The following DPEP1 variants were observed in gnomAD, a reference collection of about 807,000 sequenced individuals.
DPEP1 encodes the protein beta-lactamase.
A neutral mutation model predicts 42.3 loss-of-function variants in DPEP1; 50 were observed. The observed-to-expected ratio is 1.18, with a 90% CI of 0.94 to 1.50. DPEP1 has a LOEUF of 1.50. Ranked by LOEUF, DPEP1 falls within the 40% of genes most tolerant of loss-of-function variation. The probability of loss-of-function intolerance (pLI) is 0.00; values close to 1 mark genes in which losing one functional copy is unlikely to be tolerated. For missense variants in DPEP1, 663 were observed against 553.0 expected (o/e 1.20, Z -1.99); for synonymous variants, 297 against 234.0 (o/e 1.27, Z -2.46).
intron 2 of DPEP1, among the ~76,000 whole-genome samples, chr16:89,631,841 AG>A: frequency 6.6e-6 from 1 of 152,098 alleles, no homozygotes; most frequent in African/African-American, 2.4e-5. Context: ...TGGGCAACAG[AG>A]TGAGACTCCA....
chr16:89,614,228 C>A (rs2059359466), intron 1 of DPEP1, among the ~76,000 whole-genome samples: 1 of 152,128 alleles, frequency 6.6e-6, no homozygotes, highest in African/African-American at 2.4e-5. Context: ...CCCGCCAGGC[C>A]CTCCAGAGGC....
At chr16:89,635,784 C>G (rs1429224916) in intron 2 of DPEP1, 124 bp from the exon 3 acceptor site, 1 of 1,350,654 alleles carries the variant, frequency 7.4e-7, no homozygotes, top group Non-Finnish European at 9.8e-7. Context: ...GCGGCCTAGA[C>G]TTCAGTCCTG....
intron 1 of DPEP1, among the ~76,000 whole-genome samples, chr16:89,617,556 G>T (rs1376219077): frequency 9.1e-6 from 1 of 110,260 alleles, no homozygotes; most frequent in African/African-American, 3.3e-5. Context: ...TGCCAGAAAT[G>T]CTGGAAGGCG....
At chr16:89,614,765 A>T in intron 1 of DPEP1, among the ~76,000 whole-genome samples, 1 of 152,242 alleles carries the variant, frequency 6.6e-6, no homozygotes, top group Admixed American at 6.5e-5. Context: ...ACTGCACTCC[A>T]GCCTGAGTGA....
At chr16:89,626,016 C>A (rs917526667) in intron 1 of DPEP1, among the ~76,000 whole-genome samples, 2 of 152,184 alleles carry the variant, frequency 1.3e-5, no homozygotes, top group African/African-American at 4.8e-5. Flanking sequence ...GCAGTCCACG[C>A]GTGGCTTTCG....
intron 1 of DPEP1, among the ~76,000 whole-genome samples, chr16:89,616,721 C>T (rs776845455): frequency 1.4e-4 from 22 of 152,116 alleles, no homozygotes; most frequent in Middle Eastern, 6.8e-3. Flanking sequence ...AGTGCAAACG[C>T]ACGCTGGCAG....
chr16:89,629,307 C>G (rs1414595582), intron 1 of DPEP1, among the ~76,000 whole-genome samples: 1 of 152,056 alleles, frequency 6.6e-6, no homozygotes, highest in African/African-American at 2.4e-5. Flanking sequence ...TCGAGACCAG[C>G]CTGGGAAACA....
intron 1 of DPEP1, among the ~76,000 whole-genome samples, chr16:89,616,213 C>T (rs2059378102): frequency 6.6e-6 from 1 of 152,126 alleles, no homozygotes; most frequent in East Asian, 1.9e-4. Context: ...GGGGATAGGG[C>T]TCAGAGCCCA....
chr16:89,634,203 C>T (rs139707391), intron 2 of DPEP1, among the ~76,000 whole-genome samples: 1,637 of 149,808 alleles, frequency 0.011, 28 homozygotes, highest in African/African-American at 0.038. Flanking sequence ...ATTGTCCTGC[C>T]TCAGCCTCTT....
chr16:89,635,938 T>C lies in DPEP1; in HGVS notation c.135T>C (p.Asp45=). The part of the protein sequence containing the change: ...GHNDLPWQLL[D]MFNNRLQDER... ...ATGACCTCCCCTGGCAGCTGCTGGATATGTTCAACAACCGGCTGCAGGACG... is the reference window on the plus strand; with the variant it reads ...ATGACCTCCCCTGGCAGCTGCTGGACATGTTCAACAACCGGCTGCAGGACG... Residue 45 remains aspartate, a synonymous_variant, in exon 3 of 11, where the codon GAT becomes GAC. Transcript: ENST00000690203. 6.2e-7 allele frequency: 1 copy of C among 1,610,668 alleles called. No homozygotes were observed. Among genetic ancestry groups the C allele is most frequent in the Non-Finnish European group, 8.5e-7 (1 of 1,178,900 alleles).
chr16:89,615,173 C>T (rs918088467), intron 1 of DPEP1, among the ~76,000 whole-genome samples: 13 of 152,312 alleles, frequency 8.5e-5, no homozygotes, highest in East Asian at 1.9e-4. Context: ...AATCTCCAGT[C>T]GGAGGCCAGG....
intron 1 of DPEP1, among the ~76,000 whole-genome samples, chr16:89,615,528 C>T (rs1015527077): frequency 7.9e-5 from 12 of 152,190 alleles, no homozygotes; most frequent in Admixed American, 3.3e-4. Flanking sequence ...GGGGTGAGGG[C>T]GTGGGTTAAA....
chr16:89,617,527 C>T (rs1009689440), intron 1 of DPEP1, among the ~76,000 whole-genome samples: 1 of 151,878 alleles, frequency 6.6e-6, no homozygotes, highest in Non-Finnish European at 1.5e-5. Flanking sequence ...GGACAGGAGC[C>T]CACACCTGTG....
At chr16:89,631,358 C>G (rs554974446) in intron 2 of DPEP1, among the ~76,000 whole-genome samples, 2 of 152,178 alleles carry the variant, frequency 1.3e-5, no homozygotes, top group African/African-American at 4.8e-5. Context: ...CCCAGTGCCC[C>G]GACACTGGGT....
downstream of DPEP1, among the ~76,000 whole-genome samples, chr16:89,640,157 G>A (rs1015595498): frequency 6.6e-6 from 1 of 152,190 alleles, no homozygotes; most frequent in African/African-American, 2.4e-5. Context: ...GGGCCTCCAA[G>A]GGTTCGTCTT....
intron 1 of DPEP1, among the ~76,000 whole-genome samples, chr16:89,623,935 A>G (rs2059475983): frequency 6.6e-6 from 1 of 152,156 alleles, no homozygotes. Context: ...CTCCGAGGAA[A>G]GAGGCAGCTC....
intron 2 of DPEP1, among the ~76,000 whole-genome samples, chr16:89,632,771 G>C (rs1837324006): frequency 6.6e-6 from 1 of 152,238 alleles, no homozygotes; most frequent in South Asian, 2.1e-4. Flanking sequence ...AGAGTGGAGA[G>C]GGCTGGCGGG....
chr16:89,615,403 C>A (rs767786229), intron 1 of DPEP1, among the ~76,000 whole-genome samples: 12 of 152,202 alleles, frequency 7.9e-5, no homozygotes, highest in Non-Finnish European at 1.8e-4. Flanking sequence ...GTCTCTGGAC[C>A]TGTGTCCTGT....
At chr16:89,633,371 G>A (rs2059614316) in intron 2 of DPEP1, among the ~76,000 whole-genome samples, 1 of 152,254 alleles carries the variant, frequency 6.6e-6, no homozygotes, top group African/African-American at 2.4e-5. Flanking sequence ...CATCTGCCCA[G>A]GGGTGGGGCC....
Sources: allele counts gnomAD v4.1 joint callset (sites outside exome capture counted in the v4.1 genomes callset), GRCh38; gene constraint gnomAD v4.1.1; transcripts MANE v1.5; gene names NCBI Gene and HGNC (gene_info 2026-07-23, HGNC 2026-07-21).